Variants in GNAQ observed in about 807,000 individuals in gnomAD.
GNAQ encodes the protein G protein subunit alpha q, also known as guanine nucleotide-binding protein G(q) subunit alpha.
A neutral mutation model predicts 43.9 loss-of-function variants in GNAQ; 8 were observed. The observed-to-expected ratio is 0.18, with a 90% CI of 0.11 to 0.33. GNAQ has a LOEUF of 0.33. Among genes scored for constraint, GNAQ ranks in the 10% least tolerant of loss-of-function variants. The pLI is 1.00. For missense variants in GNAQ, 158 were observed against 450.8 expected (o/e 0.35, Z 5.88); for synonymous variants, 155 against 170.7 (o/e 0.91, Z 0.71).
chr9:77,776,278 CAATAGACAGA>C (rs1826305269), intron 5 of GNAQ, among the ~76,000 whole-genome samples: 1 of 152,080 alleles, frequency 6.6e-6, no homozygotes. Context: ...ATACGTTAGT[CAATAGACAGA>C]GATAGGCAAA....
At chr9:77,825,424 G>C (rs1827178434) in intron 2 of GNAQ, among the ~76,000 whole-genome samples, 1 of 152,106 alleles carries the variant, frequency 6.6e-6, no homozygotes, top group Admixed American at 6.5e-5. Flanking sequence ...TCGTGGACCT[G>C]GCAGCCTACA....
chr9:77,967,502 A>G (rs1055460455), intron 1 of GNAQ, among the ~76,000 whole-genome samples: 1 of 152,190 alleles, frequency 6.6e-6, no homozygotes, highest in African/African-American at 2.4e-5. Flanking sequence ...GAATTCAAGT[A>G]CTGACACATA....
rs1292644500 is a variant in GNAQ, at chr9:77,934,420, A to G, written c.137-12075T>C. ...AGTCTTCTTTCAAGGTTAATATGTC[A>G]AGTTTTTTTTTTGCTTTTACTCACG... On this transcript the variant is annotated intron_variant, in intron 1 of 6. Transcript: ENST00000286548. Among the ~76,000 whole-genome samples the G allele has an allele frequency of 7.9e-5, 12 of 152,234 alleles. 1 individual carries two copies. The South Asian group carries it at 2.5e-3, about 32-fold the overall frequency.
chr9:77,918,925 AT>A (rs1325293929), intron 2 of GNAQ, among the ~76,000 whole-genome samples: 1 of 151,814 alleles, frequency 6.6e-6, no homozygotes, highest in East Asian at 1.9e-4. Flanking sequence ...CTCACAAATA[AT>A]TTTTTTTGTT....
chr9:77,934,246 T>C (rs757066201), intron 1 of GNAQ, among the ~76,000 whole-genome samples: 27 of 150,922 alleles, frequency 1.8e-4, no homozygotes, highest in South Asian at 4.2e-4. Context: ...ACCTCAAGGG[T>C]TCTCTCCAGC....
chr9:77,997,684 A>C (rs1410764586), intron 1 of GNAQ, among the ~76,000 whole-genome samples: 1 of 152,100 alleles, frequency 6.6e-6, no homozygotes, highest in Non-Finnish European at 1.5e-5. Flanking sequence ...GGACCTGAAG[A>C]AGCAGTCTGC....
intron 5 of GNAQ, among the ~76,000 whole-genome samples, chr9:77,745,839 G>A (rs556098666): frequency 6.6e-4 from 100 of 151,982 alleles, no homozygotes; most frequent in Non-Finnish European, 1.3e-3. Flanking sequence ...ATGGAGAGGA[G>A]GAAACTTTCA....
intron 5 of GNAQ, among the ~76,000 whole-genome samples, chr9:77,783,101 A>G (rs1159431008): frequency 1.3e-5 from 2 of 152,250 alleles, no homozygotes; most frequent in African/African-American, 2.4e-5. Context: ...AAACCCATCA[A>G]TCATACAACC....
At position 77,980,808 on chromosome 9, in the gene GNAQ, C is replaced by T. The variant is rs182343634; in HGVS notation, c.136+50292G>A. Among the ~76,000 whole-genome samples, 225 of 152,288 alleles carry T rather than the reference C, an allele frequency of 1.5e-3. 1 individual carries two copies. The highest frequency in any genetic ancestry group is 2.5e-3 in the South Asian group (12 of 4,830). ...AGATGAATACTCCCACACTTTGATA[C>T]ATATGTAAGAATCATGCATAGAAAC... is the stretch of plus-strand genomic sequence containing the variant. On this transcript the variant is annotated intron_variant, in intron 1 of 6. Coordinates refer to ENST00000286548, the MANE Select transcript of GNAQ (RefSeq NM_002072.5).
chr9:77,854,795 C>T (rs1160252787), intron 2 of GNAQ, among the ~76,000 whole-genome samples: 1 of 152,164 alleles, frequency 6.6e-6, no homozygotes, highest in Non-Finnish European at 1.5e-5. Flanking sequence ...GGTTGGCATG[C>T]TATGCAGGAC....
At chr9:77,844,444 C>T (rs974493504) in intron 2 of GNAQ, among the ~76,000 whole-genome samples, 1 of 152,054 alleles carries the variant, frequency 6.6e-6, no homozygotes, top group African/African-American at 2.4e-5. Context: ...TAACCAGAGA[C>T]AAATGCATAG....
chr9:77,760,920 G>A (rs1460591264), intron 5 of GNAQ, among the ~76,000 whole-genome samples: 1 of 149,762 alleles, frequency 6.7e-6, no homozygotes, highest in African/African-American at 2.5e-5. Context: ...GAGGTGAGGA[G>A]CATCTCTGCC....
chr9:77,761,496 G>A (rs1204339320), intron 5 of GNAQ, among the ~76,000 whole-genome samples: 9 of 143,322 alleles, frequency 6.3e-5, no homozygotes, highest in African/African-American at 7.8e-5. Context: ...CGGGAGGGAG[G>A]TGGGGAGGTC....
At chr9:77,941,621 G>A (rs951612863) in intron 1 of GNAQ, among the ~76,000 whole-genome samples, 6 of 151,974 alleles carry the variant, frequency 3.9e-5, no homozygotes, top group African/African-American at 7.2e-5. Flanking sequence ...CTTTCCCCAA[G>A]GAAATGCTCA....
intron 5 of GNAQ, among the ~76,000 whole-genome samples, chr9:77,791,568 C>T (rs1054386334): frequency 6.6e-6 from 1 of 152,066 alleles, no homozygotes; most frequent in Non-Finnish European, 1.5e-5. Flanking sequence ...GTATTTCCTT[C>T]TTTGAAGGAA....
chr9:77,903,816 T>A (rs1828655582), intron 2 of GNAQ, among the ~76,000 whole-genome samples: 1 of 152,104 alleles, frequency 6.6e-6, no homozygotes, highest in Non-Finnish European at 1.5e-5. Context: ...ACTGCCAGTT[T>A]TCTAACTGCC....
At chr9:77,862,714 G>A (rs575831460) in intron 2 of GNAQ, among the ~76,000 whole-genome samples, 2 of 152,314 alleles carry the variant, frequency 1.3e-5, no homozygotes, top group Admixed American at 6.5e-5. Context: ...TTGGTTCCTC[G>A]TTACTTATGC....
At chr9:77,889,212 A>G (rs1828358695) in intron 2 of GNAQ, among the ~76,000 whole-genome samples, 1 of 151,824 alleles carries the variant, frequency 6.6e-6, no homozygotes, top group Admixed American at 6.6e-5. Context: ...CTCAGGAATT[A>G]GACCAGCCTA....
At chr9:77,982,733 TAAA>T (rs562254223) in intron 1 of GNAQ, among the ~76,000 whole-genome samples, 2 of 121,794 alleles carry the variant, frequency 1.6e-5, no homozygotes, top group Non-Finnish European at 1.7e-5. Flanking sequence ...ATTCTATGTT[TAAA>T]AAAAAAAAAA....
Sources: allele counts gnomAD v4.1 joint callset (sites outside exome capture counted in the v4.1 genomes callset), GRCh38; gene constraint gnomAD v4.1.1; transcripts MANE v1.5; gene names NCBI Gene and HGNC (gene_info 2026-07-23, HGNC 2026-07-21).